Variants in LGR5 observed in about 807,000 individuals in gnomAD.
The protein encoded by LGR5 is leucine rich repeat containing G protein-coupled receptor 5, also known as leucine-rich repeat-containing G protein-coupled receptor 5.
Under a neutral mutation model 76.7 loss-of-function variants are expected in LGR5, and 54 were observed. The ratio of observed to expected loss-of-function variants is 0.70; its 90% CI spans 0.57 to 0.88. The LOEUF (loss-of-function observed/expected upper bound fraction) is 0.88, where lower values mean the gene tolerates loss of function less well. Ranked by LOEUF, LGR5 falls within the 40% of genes least tolerant of loss-of-function variation. The pLI, the probability that LGR5 is intolerant of heterozygous loss-of-function variation, is 0.00. For synonymous variants in LGR5, 406 were observed against 421.9 expected, an observed-to-expected ratio of 0.96 and a Z score of 0.46; for missense variants, 1,078 against 1,073.3, an observed-to-expected ratio of 1.00 and a Z score of -0.06.
intron 14 of LGR5, among the ~76,000 whole-genome samples, chr12:71,578,347 T>TC (rs935777637): frequency 6.6e-6 from 1 of 152,084 alleles, no homozygotes; most frequent in South Asian, 2.1e-4. Flanking sequence ...TCCTGTCCCT[T>TC]CCCCCCACGC....
intron 1 of LGR5, among the ~76,000 whole-genome samples, chr12:71,496,100 G>C (rs1038325876): frequency 6.6e-6 from 1 of 152,080 alleles, no homozygotes; most frequent in East Asian, 1.9e-4. Flanking sequence ...AGCCAGGCAA[G>C]GTGGCTCACG....
chr12:71,472,526 C>T (rs1356320748), intron 1 of LGR5, among the ~76,000 whole-genome samples: 1 of 152,152 alleles, frequency 6.6e-6, no homozygotes, highest in Non-Finnish European at 1.5e-5. Flanking sequence ...GAGAGCTGCC[C>T]CAATAGATAT....
At chr12:71,554,120 G>A (rs1281364076) in intron 5 of LGR5, among the ~76,000 whole-genome samples, 1 of 152,148 alleles carries the variant, frequency 6.6e-6, no homozygotes, top group African/African-American at 2.4e-5. Context: ...CATACAGCCA[G>A]CTCAATGGAA....
chr12:71,563,849 A>T (rs890416023), intron 8 of LGR5, among the ~76,000 whole-genome samples: 20 of 146,466 alleles, frequency 1.4e-4, no homozygotes, highest in African/African-American at 5.2e-4. Flanking sequence ...ATACCTGCCC[A>T]GTGTGTGTGT....
intron 1 of LGR5, among the ~76,000 whole-genome samples, chr12:71,487,436 A>G (rs1873877848): frequency 6.6e-6 from 1 of 152,132 alleles, no homozygotes; most frequent in African/African-American, 2.4e-5. Flanking sequence ...TTGTTTAGAG[A>G]CAGGGTCTCA....
chr12:71,508,619 T>TGGC (rs1280100590), intron 2 of LGR5, among the ~76,000 whole-genome samples: 1 of 151,928 alleles, frequency 6.6e-6, no homozygotes, highest in African/African-American at 2.4e-5. Context: ...CTGGGTGTTG[T>TGGC]GGCGCGCGCC....
intron 1 of LGR5, among the ~76,000 whole-genome samples, chr12:71,492,129 G>A (rs1565688004): frequency 3.3e-5 from 5 of 152,086 alleles, no homozygotes; most frequent in Admixed American, 2.0e-4. Flanking sequence ...AGTTGAGGAG[G>A]AAGCCCACAG....
chr12:71,552,945 C>A (rs754037683), intron 4 of LGR5, 128 bp from the exon 5 acceptor site: 196 of 702,786 alleles, frequency 2.8e-4, no homozygotes, highest in Admixed American at 1.5e-4. Context: ...CTCCAGATGT[C>A]AGGGCTCTCG....
At chr12:71,558,727 C>T (rs1482250845) in intron 6 of LGR5, among the ~76,000 whole-genome samples, 13 of 152,142 alleles carry the variant, frequency 8.5e-5, no homozygotes, top group Non-Finnish European at 1.5e-4. Context: ...GATTGCCTGA[C>T]GAAAAGGTTT....
Position 71,584,017 on chromosome 12 carries a change from T to C in LGR5, c.2007T>C (p.Ser669=), listed in dbSNP as rs771700502. 1.9e-6 allele frequency: 3 copies of C among 1,614,126 alleles called. No individual in the cohort carries two copies. Among genetic ancestry groups the C allele is most frequent in the Admixed American group, 3.3e-5 (2 of 60,016 alleles). Reference sequence around the variant, plus strand: ...AGCGTGGGTTCTCTGTGAAATATTCTGCAAAATTTGAAACGAAAGCTCCAT... The same window carrying C: ...AGCGTGGGTTCTCTGTGAAATATTCCGCAAAATTTGAAACGAAAGCTCCAT... ...ALERGFSVKY[S]AKFETKAPFS... The change falls in exon 18 of 18, where the codon TCT becomes TCC. Residue 669 remains serine (S), a synonymous_variant. Coordinates refer to ENST00000266674, the MANE Select transcript of LGR5 (RefSeq NM_003667.4).
At chr12:71,581,505 T>C (rs932564553) in intron 16 of LGR5, among the ~76,000 whole-genome samples, 1 of 152,244 alleles carries the variant, frequency 6.6e-6, no homozygotes, top group African/African-American at 2.4e-5. Context: ...AAAGCAAGTA[T>C]GATTCAGTCT....
chr12:71,542,176 G>A (rs530712514), intron 4 of LGR5, among the ~76,000 whole-genome samples: 10 of 152,314 alleles, frequency 6.6e-5, no homozygotes, highest in East Asian at 3.9e-4. Context: ...TGAGGAAACC[G>A]TAGGTGAGAA....
intron 5 of LGR5, among the ~76,000 whole-genome samples, chr12:71,554,228 G>T (rs560732989): frequency 5.8e-4 from 88 of 152,332 alleles, no homozygotes; most frequent in African/African-American, 2.1e-3. Context: ...AGGGAATGGG[G>T]AATGCTGATT....
chr12:71,454,283 T>C lies in LGR5; in HGVS notation c.212+13991T>C, dbSNP rs573122876. ...CTGGAATTCCCGAGTGCCTACTGAA[T>C]TAATAAACCAGGAAGCTGATTTATT... On this transcript the variant is annotated intron_variant, in intron 1 of 17. Transcript: ENST00000266674. 7.9e-5 allele frequency among the ~76,000 whole-genome samples: 12 copies of C among 152,284 alleles called. No individual in the cohort carries two copies. The South Asian group carries it at 2.5e-3, about 32-fold the overall frequency.
chr12:71,573,113 T>A (rs538120619), intron 13 of LGR5, 192 bp downstream of exon 13: 1 of 499,734 alleles, frequency 2.0e-6, no homozygotes, highest in African/African-American at 2.0e-5. Flanking sequence ...TTTGCAATTA[T>A]GCTCTCTACC....
At chr12:71,516,608 A>G (rs2701076) in intron 2 of LGR5, among the ~76,000 whole-genome samples, 133,976 of 151,818 alleles carry the variant, frequency 0.88, 59,221 homozygotes, top group East Asian at 0.97. Context: ...CCTCCATTTT[A>G]AAAAGGAAGC....
Position 71,440,348 on chromosome 12 carries a change from G to A in LGR5, c.212+56G>A, listed in dbSNP as rs894400841. The A allele has an allele frequency of 5.1e-6, 8 of 1,554,236 alleles. No individual in the cohort carries two copies. The highest frequency in any genetic ancestry group is 2.7e-5 in the African/African-American group (2 of 74,148). ...GAGACTAAGAGGGGAAGGAAGGTTC[G>A]TCCAAGGCGAGGCTGGAGGCTCCTC... On this transcript the variant is annotated intron_variant, in intron 1 of 17. Coordinates refer to ENST00000266674, the MANE Select transcript of LGR5 (RefSeq NM_003667.4). The surrounding 1 kb of genome is among the most constrained non-coding windows in gnomAD (Gnocchi z 5.3).
In LGR5 at chr12:71,571,565, A is replaced by T. The variant is rs1297771715; in HGVS notation, c.1122A>T (p.Gln374His). 1 of 1,611,252 alleles carries T rather than the reference A, an allele frequency of 6.2e-7. No homozygotes were observed. Among genetic ancestry groups the T allele is most frequent in the Admixed American group, 1.7e-5 (1 of 59,958 alleles). ...LEDLPSFSVC[Q>H]KLQKIDLRHN... is the part of the protein sequence containing the mutation. The stretch of plus-strand genomic sequence containing the variant: ...ATTTACCCAGTTTTTCAGTCTGCCA[A>T]AAGCTTCAGAAAATGTAAGTCTAGA... The change falls in exon 12 of 18, where the codon CAA (glutamine) becomes CAT (histidine). Residue 374 changes from glutamine to histidine, a missense_variant. Transcript: ENST00000266674.
In LGR5 at chr12:71,585,610, G is replaced by T. The variant is rs1212971638; in HGVS notation, c.*876G>T. The T allele has an allele frequency of 6.6e-6, 1 of 152,138 alleles. No individual in the cohort carries two copies. The highest frequency in any genetic ancestry group is 6.6e-5 in the Admixed American group (1 of 15,262). The allele number at this position is 152,138 out of a possible 1,614,324, so 9.4% of individuals were successfully genotyped here. A position where few individuals can be genotyped will look rare whatever the true frequency, so the allele number is the denominator to read the frequency against. The stretch of plus-strand genomic sequence containing the variant: ...GGTTAGTAAAGAATTTTTGCAATAA[G>T]TTTTATCAGTTGATTCAAACTGATG... On this transcript the variant is annotated 3_prime_UTR_variant, in exon 18 of 18. Coordinates refer to ENST00000266674, the MANE Select transcript of LGR5 (RefSeq NM_003667.4).
Sources: allele counts gnomAD v4.1 joint callset (sites outside exome capture counted in the v4.1 genomes callset), GRCh38; gene constraint gnomAD v4.1.1; non-coding constraint Gnocchi (gnomAD v3.1); transcripts MANE v1.5; gene names NCBI Gene and HGNC (gene_info 2026-07-23, HGNC 2026-07-21).